USP34: variants seen among roughly 807,000 people sequenced by gnomAD.
USP34 encodes ubiquitin carboxyl-terminal hydrolase 34.
A neutral mutation model predicts 460.3 loss-of-function variants in USP34; 70 were observed. The observed-to-expected ratio is 0.15, with a 90% CI of 0.13 to 0.19. The LOEUF (loss-of-function observed/expected upper bound fraction) is 0.19. USP34 is among the 10% of genes least tolerant of loss of function. The pLI is 1.00. For missense variants in USP34, 3,985 were observed against 4,236.2 expected, an observed-to-expected ratio of 0.94 and a Z score of 1.65; for synonymous variants, 1,647 against 1,405.3, an observed-to-expected ratio of 1.17 and a Z score of -3.85.
intron 1 of USP34, among the ~76,000 whole-genome samples, chr2:61,446,952 C>G (rs1310641344): frequency 6.6e-6 from 1 of 151,944 alleles, no homozygotes; most frequent in Non-Finnish European, 1.5e-5. Flanking sequence ...TTTCATTACA[C>G]AGCATCAGAA....
At chr2:61,467,160 G>A (rs1695794209) in intron 1 of USP34, among the ~76,000 whole-genome samples, 1 of 151,732 alleles carries the variant, frequency 6.6e-6, no homozygotes, top group Admixed American at 6.6e-5. Context: ...AAAATTAGCT[G>A]GGCATGGTGA....
At chr2:61,424,287 G>GT (rs1694446124) in intron 1 of USP34, among the ~76,000 whole-genome samples, 1 of 152,132 alleles carries the variant, frequency 6.6e-6, no homozygotes, top group Non-Finnish European at 1.5e-5. Context: ...ATAATACAAT[G>GT]TAAGTATTTG....
intron 16 of USP34, among the ~76,000 whole-genome samples, chr2:61,341,755 C>CTTTTTTT (rs896288474): frequency 1.2e-4 from 11 of 91,724 alleles, no homozygotes; most frequent in East Asian, 1.0e-3. Flanking sequence ...TCAGGTCTTT[C>CTTTTTTT]TTTTTTTTTT....
At position 61,220,460 on chromosome 2, in the gene USP34, AC is replaced by A; in HGVS notation, c.7900-4del. 6.2e-7 allele frequency: 1 copy of A among 1,605,246 alleles called. No individual in the cohort carries two copies. The highest frequency in any genetic ancestry group is 8.5e-7 in the Non-Finnish European group (1 of 1,176,680). ...TGAGAAGGATTGTATTCAATCACCT[AC>A]AAATAACATGACAAGAACAGAATAT... is the stretch of plus-strand genomic sequence containing the variant. On this transcript the variant is annotated splice_polypyrimidine_tract_variant and splice_region_variant and intron_variant, in intron 66 of 79. Coordinates refer to ENST00000398571, the MANE Select transcript of USP34 (RefSeq NM_014709.4).
chr2:61,338,723 C>T (rs1348770270), intron 18 of USP34, among the ~76,000 whole-genome samples: 1 of 152,042 alleles, frequency 6.6e-6, no homozygotes, highest in Non-Finnish European at 1.5e-5. Context: ...AATGTGTCAT[C>T]AACTGAGTCC....
intron 68 of USP34, among the ~76,000 whole-genome samples, chr2:61,212,168 T>C (rs1236351640): frequency 6.6e-6 from 1 of 152,152 alleles, no homozygotes; most frequent in Admixed American, 6.5e-5. Flanking sequence ...AACTCAGGAG[T>C]TCGAGACCAG....
At chr2:61,292,217 T>C (rs1302202389) in intron 33 of USP34, among the ~76,000 whole-genome samples, 2 of 151,918 alleles carry the variant, frequency 1.3e-5, no homozygotes, top group Admixed American at 6.6e-5. Context: ...TTTAAAGGTA[T>C]ACTTCAACTA....
chr2:61,223,560 C>G (rs1572848329), intron 62 of USP34: 2 of 318,748 alleles, frequency 6.3e-6, no homozygotes, highest in South Asian at 1.3e-4. Flanking sequence ...TAGGATGGGT[C>G]TTATTTTACT....
chr2:61,297,017 G>A, intron 29 of USP34, 92 bp from the exon 30 acceptor site: 1 of 1,471,518 alleles, frequency 6.8e-7, no homozygotes, highest in Non-Finnish European at 9.1e-7. Context: ...GATCAAATTT[G>A]CTAATAGTTT....
At chr2:61,469,304 A>C (rs1695876198) in intron 1 of USP34, among the ~76,000 whole-genome samples, 1 of 152,242 alleles carries the variant, frequency 6.6e-6, no homozygotes, top group African/African-American at 2.4e-5. Context: ...TGAGCGTAAC[A>C]ATCATAATCA....
At chr2:61,430,036 A>AC (rs1257350884) in intron 1 of USP34, among the ~76,000 whole-genome samples, 1 of 151,874 alleles carries the variant, frequency 6.6e-6, no homozygotes, top group African/African-American at 2.4e-5. Context: ...ACACGGTGAA[A>AC]CCCCCCGTCT....
At chr2:61,220,878 G>C (rs1352468974) in intron 66 of USP34, among the ~76,000 whole-genome samples, 2 of 152,120 alleles carry the variant, frequency 1.3e-5, no homozygotes, top group Non-Finnish European at 2.9e-5. Flanking sequence ...ATGAGAAAGG[G>C]GAATCCTAGG....
At chr2:61,313,229 A>G (rs772696990) in intron 25 of USP34, among the ~76,000 whole-genome samples, 42 of 152,204 alleles carry the variant, frequency 2.8e-4, no homozygotes, top group Non-Finnish European at 5.4e-4. Flanking sequence ...TATCAAGGAC[A>G]TAACAATTTT....
intron 1 of USP34, among the ~76,000 whole-genome samples, chr2:61,434,748 A>G (rs1365188758): frequency 6.7e-6 from 1 of 148,398 alleles, no homozygotes; most frequent in East Asian, 2.2e-4. Context: ...TCCCTATAAA[A>G]TTTACTCCAT....
chr2:61,405,182 G>C (rs1460888080), intron 3 of USP34, among the ~76,000 whole-genome samples: 1 of 127,312 alleles, frequency 7.9e-6, no homozygotes, highest in Non-Finnish European at 1.6e-5. Flanking sequence ...GCAGTGAACC[G>C]AGATCACACC....
chr2:61,292,753 A>G (rs1299542834), intron 33 of USP34, among the ~76,000 whole-genome samples: 1 of 152,206 alleles, frequency 6.6e-6, no homozygotes, highest in Non-Finnish European at 1.5e-5. Flanking sequence ...AGAAAATGGA[A>G]TGTCCTTTAC....
At chr2:61,209,115 T>C (rs551367150) in intron 69 of USP34, 138 bp from the exon 70 acceptor site, 6 of 439,384 alleles carry the variant, frequency 1.4e-5, no homozygotes, top group South Asian at 8.4e-5. Flanking sequence ...GCTTCATCTG[T>C]TTCCTGGAAA....
At chr2:61,263,778 C>T (rs1312926222) in intron 43 of USP34, among the ~76,000 whole-genome samples, 8 of 152,110 alleles carry the variant, frequency 5.3e-5, no homozygotes, top group African/African-American at 1.9e-4. Context: ...CACCACACCC[C>T]ACACGCAGCT....
intron 14 of USP34, 65 bp downstream of exon 14, chr2:61,348,691 T>A: frequency 6.4e-7 from 1 of 1,550,490 alleles, no homozygotes; most frequent in Non-Finnish European, 8.7e-7. Flanking sequence ...ATATACCCAA[T>A]TCAAATGATA....
Sources: allele counts gnomAD v4.1 joint callset (sites outside exome capture counted in the v4.1 genomes callset), GRCh38; gene constraint gnomAD v4.1.1; transcripts MANE v1.5; gene names NCBI Gene and HGNC (gene_info 2026-07-23, HGNC 2026-07-21).